Variants in CELF1 observed in about 807,000 individuals in gnomAD.
CELF1 encodes CUGBP Elav-like family member 1.
A neutral mutation model predicts 61.8 loss-of-function variants in CELF1; 10 were observed. That is an observed-to-expected ratio of 0.16 (90% CI 0.10 to 0.27). The LOEUF is 0.27. Ranked by LOEUF, CELF1 falls within the 10% of genes least tolerant of loss-of-function variation. CELF1 has a pLI of 1.00. For synonymous variants in CELF1, 236 were observed against 225.1 expected (o/e 1.05, Z -0.43); for missense variants, 380 against 639.1 (o/e 0.59, Z 4.37).
At chr11:47,503,429 T>C (rs1323197888) in intron 1 of CELF1, among the ~76,000 whole-genome samples, 1 of 152,154 alleles carries the variant, frequency 6.6e-6, no homozygotes, top group Non-Finnish European at 1.5e-5. Context: ...AATCTAAGTA[T>C]GTTTGAAAGG....
chr11:47,477,290 T>C lies in CELF1; in HGVS notation c.973+7A>G, dbSNP rs752747929. On this transcript the variant is annotated splice_region_variant and intron_variant, in intron 11 of 14. Transcript: ENST00000687097. ...ATAATGGCACACTGGGTCATCCTCATGCTTACCTGAACTAGTGAGCACGCT... is the reference window on the plus strand; with the variant it reads ...ATAATGGCACACTGGGTCATCCTCACGCTTACCTGAACTAGTGAGCACGCT... 5.6e-6 allele frequency: 9 copies of C among 1,613,966 alleles called. No homozygotes were observed. Among genetic ancestry groups the C allele is most frequent in the South Asian group, 5.5e-5 (5 of 91,066 alleles).
intron 1 of CELF1, among the ~76,000 whole-genome samples, chr11:47,536,348 A>C (rs1314584485): frequency 6.6e-6 from 1 of 152,220 alleles, no homozygotes; most frequent in Non-Finnish European, 1.5e-5. Context: ...CGTGGGCGAC[A>C]AGGCGAGATT....
At chr11:47,472,386 G>C in intron 14 of CELF1, 29 bp from the exon 15 acceptor site, 1 of 1,608,112 alleles carries the variant, frequency 6.2e-7, no homozygotes, top group Admixed American at 1.7e-5. Context: ...ACCTAGGTGA[G>C]GGACATAATG....
At chr11:47,546,264 C>CGGGGG (rs1380430191) in intron 1 of CELF1, among the ~76,000 whole-genome samples, 1 of 24,150 alleles carries the variant, frequency 4.1e-5, no homozygotes, top group African/African-American at 1.7e-4. Context: ...GGGCGGGGGC[C>CGGGGG]GGGGGCGGGG....
intron 1 of CELF1, among the ~76,000 whole-genome samples, chr11:47,546,282 A>C (rs188969102): frequency 1.3e-4 from 7 of 54,484 alleles, no homozygotes; most frequent in Admixed American, 5.9e-4. Context: ...GGGGCGGGGG[A>C]GGGAATGGAG....
At chr11:47,523,026 G>A (rs1195336541) in intron 1 of CELF1, among the ~76,000 whole-genome samples, 3 of 152,102 alleles carry the variant, frequency 2.0e-5, no homozygotes, top group African/African-American at 7.2e-5. Flanking sequence ...CTTCATTATG[G>A]ATTACCAAAC....
Position 47,479,579 on chromosome 11 carries a change from G to C in CELF1, c.769-627C>G, listed in dbSNP as rs1310110637. ...GTTGCAGATGACCAAATGACTGATG[G>C]ATTAGTCTATACCAGGTTCAGAGTA... On this transcript the variant is annotated intron_variant, in intron 9 of 14. Transcript: ENST00000687097. Among the ~76,000 whole-genome samples, 3 of 152,142 alleles carry C rather than the reference G, an allele frequency of 2.0e-5. No individual in the cohort carries two copies. In the East Asian group the frequency reaches 5.8e-4, roughly 29 times the overall value.
intron 2 of CELF1, among the ~76,000 whole-genome samples, chr11:47,558,141 G>A (rs1160306000): frequency 4.6e-5 from 7 of 152,078 alleles, no homozygotes; most frequent in Admixed American, 1.3e-4. Flanking sequence ...ATAGGCGTGA[G>A]CCACCGCGCA....
At chr11:47,484,325 A>C (rs1486109341) in intron 7 of CELF1, 64 bp downstream of exon 7, 68 of 1,564,574 alleles carry the variant, frequency 4.3e-5, no homozygotes, top group Non-Finnish European at 3.9e-5. Flanking sequence ...TCCAAAAAAA[A>C]AAAAACCCCA....
intron 2 of CELF1, among the ~76,000 whole-genome samples, chr11:47,500,341 G>GT (rs1216000528): frequency 3.3e-5 from 5 of 152,110 alleles, no homozygotes; most frequent in Non-Finnish European, 5.9e-5. Flanking sequence ...CCTTTGTTCA[G>GT]TAACACTCAT....
chr11:47,496,540 A>C (rs1596901870), intron 3 of CELF1, among the ~76,000 whole-genome samples: 2 of 152,252 alleles, frequency 1.3e-5, no homozygotes, highest in African/African-American at 4.8e-5. Context: ...GGAATGTTTA[A>C]AAGTTCTATG....
At chr11:47,512,532 G>T (rs919517610) in intron 1 of CELF1, among the ~76,000 whole-genome samples, 1 of 148,938 alleles carries the variant, frequency 6.7e-6, no homozygotes, top group Non-Finnish European at 1.5e-5. Flanking sequence ...TAGAGACAGA[G>T]TCTGGCCATG....
intron 1 of CELF1, among the ~76,000 whole-genome samples, chr11:47,507,957 C>A (rs1237329263): frequency 6.6e-6 from 1 of 151,802 alleles, no homozygotes; most frequent in Non-Finnish European, 1.5e-5. Flanking sequence ...CTGCCTCTAC[C>A]ATCAAAAGTT....
At chr11:47,525,139 G>C (rs955874014) in intron 1 of CELF1, among the ~76,000 whole-genome samples, 2 of 152,176 alleles carry the variant, frequency 1.3e-5, no homozygotes, top group Admixed American at 6.6e-5. Flanking sequence ...ACTTTCACTA[G>C]TTCCTTGCTG....
chr11:47,534,022 C>CTTTTTTTTTTTTTTTT (rs71042679), intron 1 of CELF1, among the ~76,000 whole-genome samples: 2 of 87,582 alleles, frequency 2.3e-5, no homozygotes, highest in African/African-American at 4.3e-5. Context: ...TTTTTCTTTC[C>CTTTTTTTTTTTTTTTT]TTTTTTTTTT....
At chr11:47,497,854 A>T (rs1263751437) in intron 3 of CELF1, among the ~76,000 whole-genome samples, 2 of 152,224 alleles carry the variant, frequency 1.3e-5, no homozygotes, top group African/African-American at 4.8e-5. Flanking sequence ...CTCTTAAAAG[A>T]TTAGAAAGCA....
At chr11:47,501,715 C>T (rs1207198330) in intron 1 of CELF1, among the ~76,000 whole-genome samples, 1 of 151,916 alleles carries the variant, frequency 6.6e-6, no homozygotes. Context: ...CCCAGCTACT[C>T]GGGAGGCTAA....
chr11:47,500,959 A>C, intron 1 of CELF1, 27 bp from the exon 2 acceptor site: 1 of 398,528 alleles, frequency 2.5e-6, no homozygotes, highest in Non-Finnish European at 4.4e-6. Flanking sequence ...CGAATGAACT[A>C]CTAAACACAC....
chr11:47,483,313 T>C (rs2084575676), intron 8 of CELF1, 140 bp downstream of exon 8: 1 of 685,600 alleles, frequency 1.5e-6, no homozygotes, highest in Non-Finnish European at 2.6e-6. Context: ...TTTAAAGAAA[T>C]CAGTGGTTTT....
Sources: gnomAD v4.1 joint callset for allele counts (sites outside exome capture counted in the v4.1 genomes callset) on GRCh38, gnomAD v4.1.1 for gene constraint, MANE v1.5 for transcripts, NCBI Gene and HGNC (gene_info 2026-07-23, HGNC 2026-07-21) for gene names.